TXNRD1: variants seen among roughly 807,000 people sequenced by gnomAD.
The protein encoded by TXNRD1 is thioredoxin reductase 1.
TXNRD1 carries 57 observed loss-of-function variants against 80.3 expected under a neutral mutation model. The ratio of observed to expected loss-of-function variants is 0.71; its 90% CI spans 0.57 to 0.89. The LOEUF (loss-of-function observed/expected upper bound fraction) is 0.89, where lower values mean the gene tolerates loss of function less well. Among genes scored for constraint, TXNRD1 ranks in the 40% least tolerant of loss-of-function variants. The pLI, the probability that TXNRD1 is intolerant of heterozygous loss-of-function variation, is 0.00. For synonymous variants in TXNRD1, 291 were observed against 285.2 expected (o/e 1.02, Z -0.20); for missense variants, 730 against 803.0 (o/e 0.91, Z 1.10).
intron 15 of TXNRD1, among the ~76,000 whole-genome samples, chr12:104,338,461 G>A (rs33937214): frequency 0.21 from 32,306 of 151,178 alleles, 3,838 homozygotes; most frequent in Middle Eastern, 0.29. Flanking sequence ...TTGGGAGGCC[G>A]AGGTGCGTGG....
intron 2 of TXNRD1, among the ~76,000 whole-genome samples, chr12:104,256,952 T>A (rs969690296): frequency 6.7e-6 from 1 of 149,850 alleles, no homozygotes; most frequent in Non-Finnish European, 1.5e-5. Context: ...AAGTTTAGAA[T>A]GAGATGAGAA....
rs539418673 is a variant in TXNRD1 at position 104,242,885 on chromosome 12, C to T, written c.92-8642C>T. Among the ~76,000 whole-genome samples, 242 of 152,322 alleles carry T rather than the reference C, an allele frequency of 1.6e-3. 1 individual carries two copies. Among genetic ancestry groups the T allele is most frequent in the African/African-American group, 5.4e-3 (224 of 41,584 alleles). On this transcript the variant is annotated intron_variant, in intron 1 of 16. Transcript: ENST00000525566. ...CCTCTGCAGAAAAGAGAGTTCCTTTCAAATGTGTATTCTCAGGCTCACGCA... is the reference window on the plus strand; with the variant it reads ...CCTCTGCAGAAAAGAGAGTTCCTTTTAAATGTGTATTCTCAGGCTCACGCA...
At chr12:104,291,054 C>A (rs759724716) in intron 4 of TXNRD1, 2 of 687,700 alleles carry the variant, frequency 2.9e-6, no homozygotes, top group South Asian at 3.1e-5. Context: ...AGCGATCATC[C>A]GGCCTCGGCC....
chr12:104,249,427 A>C (rs560137717), intron 1 of TXNRD1, among the ~76,000 whole-genome samples: 3 of 152,274 alleles, frequency 2.0e-5, no homozygotes, highest in South Asian at 4.1e-4. Context: ...GGAGATTTCT[A>C]TGTTCCTCTT....
chr12:104,281,172 G>T (rs2033868208), intron 3 of TXNRD1, among the ~76,000 whole-genome samples: 1 of 152,052 alleles, frequency 6.6e-6, no homozygotes, highest in African/African-American at 2.4e-5. Flanking sequence ...TTTCATTGAA[G>T]AGTGCTATTA....
chr12:104,246,319 T>C (rs1200239972), intron 1 of TXNRD1, among the ~76,000 whole-genome samples: 3 of 148,432 alleles, frequency 2.0e-5, no homozygotes, highest in Non-Finnish European at 4.5e-5. Context: ...TCCCAGCTAC[T>C]CGGGAGGCTG....
At chr12:104,256,897 C>G (rs1163539344) in intron 2 of TXNRD1, among the ~76,000 whole-genome samples, 1 of 150,976 alleles carries the variant, frequency 6.6e-6, no homozygotes, top group African/African-American at 2.4e-5. Flanking sequence ...TGATAGAAAT[C>G]TCCGAGTGTA....
At chr12:104,219,281 C>T (rs1796803417) in intron 1 of TXNRD1, among the ~76,000 whole-genome samples, 1 of 152,210 alleles carries the variant, frequency 6.6e-6, no homozygotes. Context: ...CACCTACAAA[C>T]ACTCTAGAAG....
At chr12:104,288,476 A>G (rs1167830500) in intron 3 of TXNRD1, among the ~76,000 whole-genome samples, 5 of 152,190 alleles carry the variant, frequency 3.3e-5, no homozygotes, top group Non-Finnish European at 1.5e-5. Context: ...TTCAAATGTC[A>G]AGGAAACGTT....
chr12:104,281,405 TTTTTTTTTTTTTTC>T (rs1378015154), intron 3 of TXNRD1, among the ~76,000 whole-genome samples: 4 of 76,910 alleles, frequency 5.2e-5, no homozygotes, highest in African/African-American at 2.3e-4. Flanking sequence ...TCCACTTTTT[TTTTTTTTTTTTTTC>T]TTTTTGAGAT....
chr12:104,307,444 A>G (rs1235429543), intron 4 of TXNRD1, among the ~76,000 whole-genome samples: 1 of 152,194 alleles, frequency 6.6e-6, no homozygotes, highest in African/African-American at 2.4e-5. Flanking sequence ...AGAATTAGTA[A>G]CTTAAAGGGA....
chr12:104,302,638 T>C (rs759062605), intron 4 of TXNRD1, among the ~76,000 whole-genome samples: 1 of 152,134 alleles, frequency 6.6e-6, no homozygotes, highest in Middle Eastern at 3.4e-3. Flanking sequence ...TATAGGCGCC[T>C]GCCACCGCGC....
intron 11 of TXNRD1, among the ~76,000 whole-genome samples, chr12:104,325,801 G>T (rs925837237): frequency 2.6e-5 from 4 of 150,944 alleles, no homozygotes; most frequent in African/African-American, 9.8e-5. Flanking sequence ...GAACCCAGGA[G>T]ACCTAGGTTG....
At chr12:104,338,507 C>T (rs1168026570) in intron 15 of TXNRD1, among the ~76,000 whole-genome samples, 1 of 151,252 alleles carries the variant, frequency 6.6e-6, no homozygotes, top group Non-Finnish European at 1.5e-5. Context: ...CCAGCCTGGC[C>T]AACATGGCGA....
Position 104,350,307 on chromosome 12 carries a change from A to C in TXNRD1, c.*1886A>C, listed in dbSNP as rs1385035126. ...ATATCCACGTGTGCCTTCTTACTGAATGATGGTCTTGGGAGTCTTTGCAAG... is the reference window on the plus strand; with the variant it reads ...ATATCCACGTGTGCCTTCTTACTGACTGATGGTCTTGGGAGTCTTTGCAAG... On this transcript the variant is annotated 3_prime_UTR_variant, in exon 17 of 17. Transcript: ENST00000525566. 2 of 152,238 alleles carry C rather than the reference A, an allele frequency of 1.3e-5. No homozygotes were observed. Among genetic ancestry groups the C allele is most frequent in the Admixed American group, 6.5e-5 (1 of 15,288 alleles). The allele number at this position is 152,238 out of a possible 1,614,324, so 9.4% of individuals were successfully genotyped here.
At chr12:104,236,787 C>CAAA (rs35066909) in intron 1 of TXNRD1, among the ~76,000 whole-genome samples, 2,112 of 112,794 alleles carry the variant, frequency 0.019, 62 homozygotes, top group African/African-American at 0.067. Flanking sequence ...AAAACTGTCT[C>CAAA]AAAAAAAAAA....
At chr12:104,234,071 A>G (rs2032682595) in intron 1 of TXNRD1, among the ~76,000 whole-genome samples, 1 of 152,198 alleles carries the variant, frequency 6.6e-6, no homozygotes, top group Non-Finnish European at 1.5e-5. Context: ...TGTGTTTGAG[A>G]ATACCTGTTA....
chr12:104,328,775 A>AG (rs2135856142), intron 13 of TXNRD1, among the ~76,000 whole-genome samples: 1 of 151,722 alleles, frequency 6.6e-6, no homozygotes, highest in South Asian at 2.1e-4. Context: ...AAAAAAAAAA[A>AG]AAAAGGAAAA....
chr12:104,299,472 C>T (rs887370099), intron 4 of TXNRD1, among the ~76,000 whole-genome samples: 5 of 151,572 alleles, frequency 3.3e-5, no homozygotes, highest in African/African-American at 7.3e-5. Context: ...AAGAAAATTA[C>T]GATGAAAGAG....
Sources: gnomAD v4.1 joint callset for allele counts (sites outside exome capture counted in the v4.1 genomes callset) on GRCh38, gnomAD v4.1.1 for gene constraint, MANE v1.5 for transcripts, NCBI Gene and HGNC (gene_info 2026-07-23, HGNC 2026-07-21) for gene names.